ADAM9: variants seen among roughly 807,000 people sequenced by gnomAD.
The protein encoded by ADAM9 is ADAM metallopeptidase domain 9.
In ADAM9, 54 loss-of-function variants were observed where a neutral mutation model predicts 108.1. The observed-to-expected ratio is 0.50, with a 90% CI of 0.40 to 0.63. ADAM9 has a LOEUF of 0.63. Ranked by LOEUF, ADAM9 falls within the 20% of genes least tolerant of loss-of-function variation. The pLI is 0.00. For synonymous variants in ADAM9, 316 were observed against 336.0 expected (o/e 0.94, Z 0.65); for missense variants, 830 against 997.7 (o/e 0.83, Z 2.26).
At chr8:39,073,855 A>G (rs956886192) in intron 15 of ADAM9, among the ~76,000 whole-genome samples, 3 of 152,210 alleles carry the variant, frequency 2.0e-5, no homozygotes, top group Non-Finnish European at 4.4e-5. Context: ...TAGTATACAA[A>G]CAATATAGTC....
intron 14 of ADAM9, among the ~76,000 whole-genome samples, chr8:39,070,468 T>C (rs1386214066): frequency 6.6e-6 from 1 of 152,216 alleles, no homozygotes; most frequent in African/African-American, 2.4e-5. Context: ...TTCCTTCATA[T>C]GTTTCCAACA....
rs75022062 is a variant in ADAM9 at position 39,057,083 on chromosome 8, C to G, written c.1591+1311C>G. 1.4e-3 allele frequency among the ~76,000 whole-genome samples: 210 copies of G among 152,092 alleles called. 2 individuals carry two copies. Among genetic ancestry groups the G allele is most frequent in the Non-Finnish European group, 2.3e-3 (153 of 67,984 alleles). ...ATACGTTTAGATGCCATTGTGTTAC[C>G]ATTGCCTACAGTATTTAGTACAGTG... is the stretch of plus-strand genomic sequence containing the variant. On this transcript the variant is annotated intron_variant, in intron 14 of 21. Coordinates refer to ENST00000487273, the MANE Select transcript of ADAM9 (RefSeq NM_003816.3).
intron 20 of ADAM9, among the ~76,000 whole-genome samples, chr8:39,097,226 T>G (rs1002362072): frequency 2.0e-5 from 3 of 152,134 alleles, no homozygotes; most frequent in African/African-American, 4.8e-5. Context: ...TGAGGTTTTT[T>G]TCTGCAGTCT....
Position 38,996,986 on chromosome 8 carries a change from C to G in ADAM9, c.-78C>G. ...CGCTTCCCGGCCAGACTTGGGGCCC[C>G]GGCAGGGTTGGAAAATGATGGAAGA... On this transcript the variant is annotated 5_prime_UTR_variant, in exon 1 of 22. Coordinates refer to ENST00000487273, the MANE Select transcript of ADAM9 (RefSeq NM_003816.3). 4 of 1,544,304 alleles carry G rather than the reference C, an allele frequency of 2.6e-6. No individual in the cohort carries two copies. Among genetic ancestry groups the G allele is most frequent in the South Asian group, 1.2e-5 (1 of 85,660 alleles).
intron 1 of ADAM9, among the ~76,000 whole-genome samples, chr8:38,999,866 T>C (rs1835941812): frequency 6.6e-6 from 1 of 152,208 alleles, no homozygotes; most frequent in East Asian, 1.9e-4. Context: ...CTTGGGAATA[T>C]CCGCAAGCTC....
chr8:39,029,516 T>G (rs1193957916), intron 11 of ADAM9, among the ~76,000 whole-genome samples: 1 of 152,242 alleles, frequency 6.6e-6, no homozygotes, highest in African/African-American at 2.4e-5. Flanking sequence ...TGATGTTGTC[T>G]GTGGGCTTTT....
chr8:39,045,204 A>G (rs1198374270), intron 12 of ADAM9, among the ~76,000 whole-genome samples: 1 of 94,966 alleles, frequency 1.1e-5, no homozygotes, highest in Non-Finnish European at 2.6e-5. Flanking sequence ...ATATGTGTAT[A>G]TATGTGTATA....
Position 39,104,308 on chromosome 8 carries a change from A to G in ADAM9, c.*608A>G. ...TTATTTTGAAAGTACAAAATATACTAAAAGAGTGTGTGTGTATTCACGCAG... is the reference window on the plus strand; with the variant it reads ...TTATTTTGAAAGTACAAAATATACTGAAAGAGTGTGTGTGTATTCACGCAG... On this transcript the variant is annotated 3_prime_UTR_variant, in exon 22 of 22. Coordinates refer to ENST00000487273, the MANE Select transcript of ADAM9 (RefSeq NM_003816.3). 1 of 453,066 alleles carries G rather than the reference A, an allele frequency of 2.2e-6. No homozygotes were observed. The highest frequency in any genetic ancestry group is 4.4e-6 in the Non-Finnish European group (1 of 225,972). The allele number at this position is 453,066 out of a possible 1,614,324, so 28.1% of individuals were successfully genotyped here.
rs762219243 is a variant in ADAM9 at position 39,090,101 on chromosome 8, C to T, written c.2123C>T (p.Pro708Leu). Reference protein sequence around the residue: ...GLLVFFFLIVPLIVCAIFIFI... With the variant: ...GLLVFFFLIVLLIVCAIFIFI... ...CTGGTCTTCTTCTTCCTAATTGTTC[C>T]CCTTATTGTCTGTGCTATTTTTATC... The change falls in exon 19 of 22, where the codon CCC (proline) becomes CTC (leucine). Residue 708 changes from proline (P) to leucine (L), a missense_variant. By Grantham distance (98) the Pro-to-Leu change is moderately conservative (BLOSUM62 -3). Coordinates refer to ENST00000487273, the MANE Select transcript of ADAM9 (RefSeq NM_003816.3). 3.1e-6 allele frequency: 5 copies of T among 1,613,738 alleles called. No homozygotes were observed. Among genetic ancestry groups the T allele is most frequent in the Non-Finnish European group, 4.2e-6 (5 of 1,179,854 alleles).
chr8:39,068,227 G>T (rs1838554344), intron 14 of ADAM9, among the ~76,000 whole-genome samples: 1 of 152,142 alleles, frequency 6.6e-6, no homozygotes, highest in Admixed American at 6.6e-5. Context: ...AGGCTCATGG[G>T]GGAGGCTTGT....
chr8:39,098,487 A>G (rs959473366), intron 20 of ADAM9, among the ~76,000 whole-genome samples: 2 of 152,136 alleles, frequency 1.3e-5, no homozygotes, highest in Non-Finnish European at 2.9e-5. Flanking sequence ...TATTGGATCT[A>G]CCTTCTATTC....
rs759597255 is a variant in ADAM9 at position 38,997,075 on chromosome 8, C to T, written c.12C>T (p.Gly4=). The T allele has an allele frequency of 1.2e-6, 2 of 1,607,592 alleles. No homozygotes were observed. Among genetic ancestry groups the T allele is most frequent in the Non-Finnish European group, 8.5e-7 (1 of 1,179,550 alleles). The part of the protein sequence containing the change: MGS[G]ARFPSGTLRV... ...CGGAATCGGCCGAGATGGGGTCTGG[C>T]GCGCGCTTTCCCTCGGGGACCCTTC... Residue 4 remains glycine (G), a synonymous_variant, in exon 1 of 22, where the codon GGC becomes GGT. Transcript: ENST00000487273.
intron 1 of ADAM9, among the ~76,000 whole-genome samples, chr8:39,004,868 A>C (rs953428895): frequency 9.2e-5 from 14 of 152,230 alleles, no homozygotes; most frequent in African/African-American, 3.4e-4. Flanking sequence ...ACCAGAGGTC[A>C]CTTTCCTCGC....
chr8:39,024,701 G>A (rs1435943583), intron 9 of ADAM9, among the ~76,000 whole-genome samples: 1 of 152,148 alleles, frequency 6.6e-6, no homozygotes, highest in Non-Finnish European at 1.5e-5. Flanking sequence ...ACATAGCAGT[G>A]AACAAAACTG....
chr8:39,072,808 A>C (rs1033467054), intron 15 of ADAM9, among the ~76,000 whole-genome samples: 2 of 152,154 alleles, frequency 1.3e-5, no homozygotes, highest in African/African-American at 4.8e-5. Flanking sequence ...CTTCTTTTTC[A>C]TAGAATTTGA....
chr8:38,998,846 G>A (rs1835908528), intron 1 of ADAM9, among the ~76,000 whole-genome samples: 1 of 152,112 alleles, frequency 6.6e-6, no homozygotes, highest in South Asian at 2.1e-4. Context: ...ATAAAAGGGA[G>A]GGATGGAAGA....
chr8:39,028,750 G>C (rs1837005104), intron 11 of ADAM9, among the ~76,000 whole-genome samples: 1 of 152,114 alleles, frequency 6.6e-6, no homozygotes, highest in African/African-American at 2.4e-5. Context: ...TTTACATCTG[G>C]GGGGAAGACA....
chr8:39,009,981 A>G (rs1396335956), intron 2 of ADAM9, among the ~76,000 whole-genome samples: 1 of 138,864 alleles, frequency 7.2e-6, no homozygotes, highest in Non-Finnish European at 1.6e-5. Context: ...CCCCCAAACC[A>G]AAAATGTATA....
intron 12 of ADAM9, among the ~76,000 whole-genome samples, chr8:39,049,166 C>G (rs866627028): frequency 2.2e-4 from 33 of 151,570 alleles, no homozygotes; most frequent in Middle Eastern, 3.4e-3. Context: ...TGCTGTTTTC[C>G]TTTGTAATTT....
Sources: allele counts gnomAD v4.1 joint callset (sites outside exome capture counted in the v4.1 genomes callset), GRCh38; gene constraint gnomAD v4.1.1; transcripts MANE v1.5; gene names NCBI Gene and HGNC (gene_info 2026-07-23, HGNC 2026-07-21).